Variants in GPHN observed in about 807,000 individuals in gnomAD.
GPHN encodes gephyrin.
In GPHN, 17 loss-of-function variants were observed where a neutral mutation model predicts 95.5. That is an observed-to-expected ratio of 0.18 (90% CI 0.12 to 0.27). The LOEUF (loss-of-function observed/expected upper bound fraction) is 0.27, where lower values mean the gene tolerates loss of function less well. GPHN is among the 10% of genes least tolerant of loss of function. The pLI, the probability that GPHN is intolerant of heterozygous loss-of-function variation, is 1.00. For synonymous variants in GPHN, 320 were observed against 322.5 expected, an observed-to-expected ratio of 0.99 and a Z score of 0.08; for missense variants, 660 against 978.1, an observed-to-expected ratio of 0.67 and a Z score of 4.34.
chr14:67,473,604 T>G, the GPHN span: 1 of 1,602,600 alleles, frequency 6.2e-7, no homozygotes, highest in African/African-American at 1.3e-5. The surrounding 1 kb of genome is among the most constrained non-coding windows in gnomAD (Gnocchi z 6.5). Context: ...AAAGTCGAAC[T>G]GGGAGTAGTC....
At chr14:66,646,715 C>T (rs752980576) in intron 1 of GPHN, among the ~76,000 whole-genome samples, 2 of 151,804 alleles carry the variant, frequency 1.3e-5, no homozygotes, top group Non-Finnish European at 2.9e-5. Flanking sequence ...TGGTGGTTAC[C>T]AGGGGTTCAG....
intron 8 of GPHN, among the ~76,000 whole-genome samples, chr14:66,946,485 A>G (rs1256308453): frequency 6.6e-6 from 1 of 152,158 alleles, no homozygotes; most frequent in African/African-American, 2.4e-5. Flanking sequence ...GGCTCGCTGC[A>G]AACTCCACCT....
intron 16 of GPHN, among the ~76,000 whole-genome samples, chr14:67,115,608 G>A (rs1451006929): frequency 6.6e-6 from 1 of 152,102 alleles, no homozygotes; most frequent in Non-Finnish European, 1.5e-5. Flanking sequence ...GATGGCACAT[G>A]CCTGTAGTCA....
At chr14:67,389,650 G>A in the GPHN span, among the ~76,000 whole-genome samples, 1 of 152,076 alleles carries the variant, frequency 6.6e-6, no homozygotes. Context: ...GCACGTATGT[G>A]TGTGTATATA....
the GPHN span, among the ~76,000 whole-genome samples, chr14:67,732,214 A>G: frequency 6.6e-6 from 1 of 151,480 alleles, no homozygotes; most frequent in Non-Finnish European, 1.5e-5. Context: ...AGGCAGGAGG[A>G]TTGCTTGAGC....
chr14:67,031,363 T>A (rs547373865), intron 10 of GPHN, among the ~76,000 whole-genome samples: 1 of 152,334 alleles, frequency 6.6e-6, no homozygotes, highest in South Asian at 2.1e-4. Flanking sequence ...TATCTCTTGC[T>A]GCAACCTAAT....
At chr14:66,654,702 T>G (rs2065221590) in intron 1 of GPHN, among the ~76,000 whole-genome samples, 1 of 152,216 alleles carries the variant, frequency 6.6e-6, no homozygotes, top group South Asian at 2.1e-4. Context: ...TGGTGCTTTT[T>G]GTGTCAAGTA....
chr14:66,960,501 T>A (rs1401583825), intron 8 of GPHN, among the ~76,000 whole-genome samples: 3 of 152,106 alleles, frequency 2.0e-5, no homozygotes, highest in African/African-American at 7.2e-5. Flanking sequence ...ATTTCTTTGT[T>A]GTGCATAACC....
At chr14:67,353,529 C>A in the GPHN span, among the ~76,000 whole-genome samples, 2 of 151,948 alleles carry the variant, frequency 1.3e-5, no homozygotes, top group Non-Finnish European at 2.9e-5. Context: ...ACTGTGAGGC[C>A]CAGGCTGGAG....
chr14:66,864,987 C>A (rs2063172968), intron 4 of GPHN, among the ~76,000 whole-genome samples: 1 of 152,064 alleles, frequency 6.6e-6, no homozygotes. Flanking sequence ...AACTGGAGGT[C>A]ATTATGTTTG....
chr14:67,689,823 A>T, the GPHN span, among the ~76,000 whole-genome samples: 1 of 152,092 alleles, frequency 6.6e-6, no homozygotes, highest in Non-Finnish European at 1.5e-5. Flanking sequence ...ACGCACCTGT[A>T]GTCCCAGCTA....
At chr14:67,316,749 G>T in the GPHN span, 1 of 1,031,790 alleles carries the variant, frequency 9.7e-7, no homozygotes, top group South Asian at 1.6e-5. Flanking sequence ...GATATGTCTA[G>T]TGTTTTCCCT....
At chr14:67,238,975 GA>G in the GPHN span, among the ~76,000 whole-genome samples, 243 of 151,930 alleles carry the variant, frequency 1.6e-3, no homozygotes, top group African/African-American at 5.6e-3. Context: ...TTCTTTTCCT[GA>G]AAAAAATGCC....
At chr14:67,332,756 A>T in the GPHN span, 13 of 1,590,306 alleles carry the variant, frequency 8.2e-6, 1 homozygote, top group South Asian at 1.5e-4. Context: ...GAATTATCTC[A>T]CAGTTTTTAT....
chr14:67,215,636 G>C, the GPHN span, among the ~76,000 whole-genome samples: 1 of 152,098 alleles, frequency 6.6e-6, no homozygotes, highest in South Asian at 2.1e-4. Flanking sequence ...GGCAGGTGCT[G>C]CTCAGTGGAA....
At chr14:66,972,957 A>C (rs2069921825) in intron 9 of GPHN, among the ~76,000 whole-genome samples, 1 of 152,150 alleles carries the variant, frequency 6.6e-6, no homozygotes, top group Non-Finnish European at 1.5e-5. Flanking sequence ...GTAGCCAAAA[A>C]GGCAAATAAT....
intron 1 of GPHN, among the ~76,000 whole-genome samples, chr14:66,594,950 G>A (rs1714147250): frequency 6.6e-6 from 1 of 152,114 alleles, no homozygotes; most frequent in South Asian, 2.1e-4. Context: ...TGAGGAACTT[G>A]AAAGTAAGAA....
At chr14:67,480,475 A>G in the GPHN span, among the ~76,000 whole-genome samples, 1 of 152,124 alleles carries the variant, frequency 6.6e-6, no homozygotes, top group Non-Finnish European at 1.5e-5. Flanking sequence ...ACTTGAAAAG[A>G]TGGTGGAATG....
the GPHN span, chr14:67,198,131 C>A: frequency 6.3e-7 from 1 of 1,591,328 alleles, no homozygotes; most frequent in Non-Finnish European, 8.6e-7. Flanking sequence ...TTTCCATTCC[C>A]TCAGTTTTTT....
Sources: gnomAD v4.1 joint callset for allele counts (sites outside exome capture counted in the v4.1 genomes callset) on GRCh38, gnomAD v4.1.1 for gene constraint, Gnocchi (gnomAD v3.1) non-coding constraint, MANE v1.5 for transcripts, NCBI Gene and HGNC (gene_info 2026-07-23, HGNC 2026-07-21) for gene names.